Variants in B3GLCT observed in about 807,000 individuals in gnomAD.
The protein encoded by B3GLCT is beta 3-glucosyltransferase, also known as beta-1,3-glucosyltransferase.
B3GLCT carries 65 observed loss-of-function variants against 63.4 expected under a neutral mutation model. The ratio of observed to expected loss-of-function variants is 1.03; its 90% CI spans 0.84 to 1.26. The LOEUF (loss-of-function observed/expected upper bound fraction) is 1.26. Among genes scored for constraint, B3GLCT ranks in the 50% most tolerant of loss-of-function variants. The pLI, the probability that B3GLCT is intolerant of heterozygous loss-of-function variation, is 0.00. For synonymous variants in B3GLCT, 233 were observed against 219.2 expected (o/e 1.06, Z -0.55); for missense variants, 577 against 604.8 (o/e 0.95, Z 0.48).
chr13:31,329,791 G>T lies in B3GLCT; in HGVS notation c.*123G>T. 9.2e-7 allele frequency: 1 copy of T among 1,084,200 alleles called. No individual in the cohort carries two copies. The highest frequency in any genetic ancestry group is 1.3e-5 in the South Asian group (1 of 74,402). The allele number at this position is 1,084,200 out of a possible 1,614,324, so 67.2% of individuals were successfully genotyped here. ...TGGCATTGGGTGCTTCCTGACTTTA[G>T]GGGGAGATTTTATGTATGGTATTTT... On this transcript the variant is annotated 3_prime_UTR_variant, in exon 15 of 15. Transcript: ENST00000343307.
chr13:31,262,670 T>A (rs1872096966), intron 7 of B3GLCT, among the ~76,000 whole-genome samples: 1 of 152,192 alleles, frequency 6.6e-6, no homozygotes, highest in African/African-American at 2.4e-5. Context: ...AGCAGCCTTA[T>A]GTTTGGGGCC....
At chr13:31,224,739 T>C (rs375365096) in intron 3 of B3GLCT, among the ~76,000 whole-genome samples, 1 of 152,162 alleles carries the variant, frequency 6.6e-6, no homozygotes, top group African/African-American at 2.4e-5. Context: ...TTTGTGGGTG[T>C]GTGTGTATGC....
intron 4 of B3GLCT, among the ~76,000 whole-genome samples, chr13:31,231,150 G>T (rs748498682): frequency 1.3e-5 from 2 of 152,084 alleles, no homozygotes; most frequent in African/African-American, 4.8e-5. Flanking sequence ...TTTGCTGGAG[G>T]CGCTAGTGGG....
intron 1 of B3GLCT, among the ~76,000 whole-genome samples, chr13:31,203,760 T>C (rs893811598): frequency 1.3e-5 from 2 of 152,174 alleles, no homozygotes; most frequent in South Asian, 2.1e-4. Context: ...ATCTTTTCCA[T>C]GATAAAGGAA....
intron 1 of B3GLCT, among the ~76,000 whole-genome samples, chr13:31,212,669 C>A (rs1403053629): frequency 1.3e-5 from 2 of 152,146 alleles, no homozygotes; most frequent in Non-Finnish European, 1.5e-5. Flanking sequence ...CTTGGCCTCC[C>A]GAAGTGCTGG....
At chr13:31,261,702 G>A (rs538032616) in intron 7 of B3GLCT, among the ~76,000 whole-genome samples, 3 of 152,264 alleles carry the variant, frequency 2.0e-5, no homozygotes, top group South Asian at 4.1e-4. Flanking sequence ...TTTAGGGAAT[G>A]GAAAGTTGAT....
At chr13:31,260,128 G>A (rs1373489040) in intron 6 of B3GLCT, among the ~76,000 whole-genome samples, 1 of 152,146 alleles carries the variant, frequency 6.6e-6, no homozygotes, top group African/African-American at 2.4e-5. Flanking sequence ...CCAGCCACTG[G>A]ATTTCTTTTT....
chr13:31,297,859 G>T (rs1312196802), intron 12 of B3GLCT, among the ~76,000 whole-genome samples: 1 of 152,162 alleles, frequency 6.6e-6, no homozygotes, highest in East Asian at 1.9e-4. Context: ...TATTATAAAG[G>T]ATATTACAAA....
At chr13:31,281,063 AGAAT>A (rs1288882240) in intron 10 of B3GLCT, among the ~76,000 whole-genome samples, 1 of 152,184 alleles carries the variant, frequency 6.6e-6, no homozygotes, top group Admixed American at 6.5e-5. Flanking sequence ...GAAAACCTTA[AGAAT>A]TTTCTTTGCA....
intron 1 of B3GLCT, among the ~76,000 whole-genome samples, chr13:31,211,820 T>G (rs1869274427): frequency 6.6e-6 from 1 of 152,222 alleles, no homozygotes; most frequent in East Asian, 1.9e-4. Flanking sequence ...TCACAAAAGG[T>G]GATACATTAG....
intron 13 of B3GLCT, among the ~76,000 whole-genome samples, chr13:31,319,549 G>C (rs191341060): frequency 6.6e-6 from 1 of 152,146 alleles, no homozygotes; most frequent in Non-Finnish European, 1.5e-5. Context: ...TTTCCAGAGC[G>C]CCATCCTATC....
intron 4 of B3GLCT, among the ~76,000 whole-genome samples, chr13:31,242,639 T>A (rs1871012684): frequency 6.6e-6 from 1 of 152,208 alleles, no homozygotes; most frequent in African/African-American, 2.4e-5. Flanking sequence ...TTCAAAGGAA[T>A]TTGGCTCCAA....
chr13:31,296,849 G>A (rs1224665548), intron 12 of B3GLCT, among the ~76,000 whole-genome samples: 1 of 151,582 alleles, frequency 6.6e-6, no homozygotes, highest in Non-Finnish European at 1.5e-5. Context: ...CATGCATAAT[G>A]TTGTGCAGCC....
At position 31,330,565 on chromosome 13, in the gene B3GLCT, C is replaced by G. The variant is rs897824031; in HGVS notation, c.*897C>G. ...GTTTTTTTTTTTTTTTTAAATGTTACTTAATGACTCTCTCCTGACTCAGGA... is the reference window on the plus strand; with the variant it reads ...GTTTTTTTTTTTTTTTTAAATGTTAGTTAATGACTCTCTCCTGACTCAGGA... On this transcript the variant is annotated 3_prime_UTR_variant, in exon 15 of 15. Coordinates refer to ENST00000343307, the MANE Select transcript of B3GLCT (RefSeq NM_194318.4). 7.8e-6 allele frequency: 1 copy of G among 127,474 alleles called. No homozygotes were observed. Among genetic ancestry groups the G allele is most frequent in the African/African-American group, 2.9e-5 (1 of 34,902 alleles). The allele number at this position is 127,474 out of a possible 1,614,324, so 7.9% of individuals were successfully genotyped here. A position where few individuals can be genotyped will look rare whatever the true frequency, so the allele number is the denominator to read the frequency against.
chr13:31,238,932 G>A (rs1436551970), intron 4 of B3GLCT, among the ~76,000 whole-genome samples: 2 of 152,220 alleles, frequency 1.3e-5, no homozygotes, highest in African/African-American at 4.8e-5. Context: ...AAAAGTTTGA[G>A]TTGACGCTGT....
chr13:31,293,281 A>C (rs1228989648), intron 12 of B3GLCT, among the ~76,000 whole-genome samples: 27 of 152,122 alleles, frequency 1.8e-4, no homozygotes. Flanking sequence ...TATTCTGTTG[A>C]TTTGGGGTGG....
At chr13:31,292,846 G>T (rs1180560963) in intron 12 of B3GLCT, among the ~76,000 whole-genome samples, 1 of 151,740 alleles carries the variant, frequency 6.6e-6, no homozygotes, top group Non-Finnish European at 1.5e-5. Flanking sequence ...CTTGTCTTCT[G>T]CTAGCTTTTG....
At chr13:31,281,259 A>G (rs1267573119) in intron 10 of B3GLCT, among the ~76,000 whole-genome samples, 2 of 151,918 alleles carry the variant, frequency 1.3e-5, no homozygotes, top group East Asian at 1.9e-4. Flanking sequence ...AAAAATTAGC[A>G]CTATATTCCT....
intron 13 of B3GLCT, among the ~76,000 whole-genome samples, chr13:31,322,688 G>A (rs765765101): frequency 3.9e-5 from 6 of 151,984 alleles, no homozygotes; most frequent in Non-Finnish European, 7.4e-5. Context: ...TCATGCTCAC[G>A]TTTCATCTTC....
Sources: allele counts gnomAD v4.1 joint callset (sites outside exome capture counted in the v4.1 genomes callset), GRCh38; gene constraint gnomAD v4.1.1; transcripts MANE v1.5; gene names NCBI Gene and HGNC (gene_info 2026-07-23, HGNC 2026-07-21).